Variants in INTU observed in about 807,000 individuals in gnomAD.
The protein encoded by INTU is protein inturned.
A neutral mutation model predicts 100.5 loss-of-function variants in INTU; 68 were observed. The ratio of observed to expected loss-of-function variants is 0.68; its 90% CI spans 0.56 to 0.83. The LOEUF (loss-of-function observed/expected upper bound fraction) is 0.83, where lower values mean the gene tolerates loss of function less well. INTU is among the 40% of genes least tolerant of loss of function. The pLI is 0.00. For missense variants in INTU, 1,071 were observed against 1,114.7 expected, an observed-to-expected ratio of 0.96 and a Z score of 0.56; for synonymous variants, 357 against 395.7, an observed-to-expected ratio of 0.90 and a Z score of 1.16.
intron 2 of INTU, among the ~76,000 whole-genome samples, chr4:127,650,144 A>G (rs1024820844): frequency 6.6e-6 from 1 of 152,212 alleles, no homozygotes; most frequent in Admixed American, 6.5e-5. Flanking sequence ...AGTGAATACT[A>G]TAGCATATTG....
At chr4:127,676,205 TG>T (rs1729170339) in intron 6 of INTU, 1 of 155,176 alleles carries the variant, frequency 6.4e-6, no homozygotes, top group Non-Finnish European at 1.4e-5. Flanking sequence ...GAAAAATATG[TG>T]TTTTTCTGTC....
intron 6 of INTU, among the ~76,000 whole-genome samples, chr4:127,683,104 T>C (rs1443847312): frequency 6.6e-6 from 1 of 152,136 alleles, no homozygotes; most frequent in Non-Finnish European, 1.5e-5. Flanking sequence ...TGGACCAAGG[T>C]TGTGCCACAT....
chr4:127,712,420 GATA>G (rs1236518115), intron 14 of INTU, among the ~76,000 whole-genome samples: 1 of 151,836 alleles, frequency 6.6e-6, no homozygotes, highest in Non-Finnish European at 1.5e-5. Context: ...TTACTTATTT[GATA>G]ATATTTAGTA....
Position 127,643,695 on chromosome 4 carries a change from T to C in INTU, c.321T>C (p.Tyr107=), listed in dbSNP as rs1560827925. 1 of 1,612,238 alleles carries C rather than the reference T, an allele frequency of 6.2e-7. No homozygotes were observed. ...ATGACTACAAAGAAAGAAAAAAGTA[T>C]GAACCCAAACTCAAGCAGTTTACCA... ...IEDDYKERKK[Y]EPKLKQFTKI... Residue 107 remains tyrosine (Y), a synonymous_variant, in exon 2 of 16, where the codon TAT becomes TAC. Transcript: ENST00000335251.
At position 127,705,787 on chromosome 4, in the gene INTU, G is replaced by A; in HGVS notation, c.1763G>A (p.Arg588Lys). Residue 588 changes from arginine (R) to lysine (K), a missense_variant, in exon 11 of 16, where the codon AGA (arginine) becomes AAA (lysine). Transcript: ENST00000335251. ...STEVFPEPEG[R>K]YFLLVVGLKH... ...GAAGTCTTTCCGGAACCTGAAGGAA[G>A]ATATTTTTTGCTAGTTGTTGGCTTG... The A allele has an allele frequency of 6.2e-7, 1 of 1,613,958 alleles. No homozygotes were observed. Among genetic ancestry groups the A allele is most frequent in the South Asian group, 1.1e-5 (1 of 91,056 alleles).
Position 127,711,059 on chromosome 4 carries a change from G to T in INTU, c.2516G>T (p.Cys839Phe). The T allele has an allele frequency of 4.4e-6, 7 of 1,605,604 alleles. No individual in the cohort carries two copies. Among genetic ancestry groups the T allele is most frequent in the Non-Finnish European group, 5.1e-6 (6 of 1,173,960 alleles). Residue 839 changes from cysteine to phenylalanine, a missense_variant, in exon 14 of 16, where the codon TGT becomes TTT. Cys to Phe is a radical substitution (Grantham distance 205, BLOSUM62 -2). Transcript: ENST00000335251. Reference sequence around the variant, plus strand: ...CTAATAAAGAATTTCCATCAGTGTTGTCTTTCCATTCGTGCAGTTTTCCAA... The same window carrying T: ...CTAATAAAGAATTTCCATCAGTGTTTTCTTTCCATTCGTGCAGTTTTCCAA... ...PQLIKNFHQC[C>F]LSIRAVFQQT...
At chr4:127,650,665 A>AG (rs1201483903) in intron 2 of INTU, among the ~76,000 whole-genome samples, 1 of 151,706 alleles carries the variant, frequency 6.6e-6, no homozygotes, top group Non-Finnish European at 1.5e-5. Flanking sequence ...ATTGTGAATA[A>AG]TGCCGCAATA....
At chr4:127,703,411 T>C (rs1730737053) in intron 9 of INTU, among the ~76,000 whole-genome samples, 1 of 152,236 alleles carries the variant, frequency 6.6e-6, no homozygotes, top group Non-Finnish European at 1.5e-5. Context: ...TCCCCAGGTG[T>C]AACTGCTCTT....
At chr4:127,645,648 C>A (rs1343373690) in intron 2 of INTU, among the ~76,000 whole-genome samples, 2 of 152,032 alleles carry the variant, frequency 1.3e-5, no homozygotes, top group Admixed American at 1.3e-4. Context: ...TCAACCTCTA[C>A]CTCCCGGGTT....
chr4:127,678,163 T>C (rs1333458161), intron 6 of INTU, among the ~76,000 whole-genome samples: 5 of 152,302 alleles, frequency 3.3e-5, no homozygotes, highest in Non-Finnish European at 5.9e-5. Flanking sequence ...TGGAACCAAG[T>C]TGGAAAACAC....
intron 3 of INTU, among the ~76,000 whole-genome samples, chr4:127,662,218 C>T (rs1055034771): frequency 2.6e-5 from 4 of 152,110 alleles, no homozygotes; most frequent in Non-Finnish European, 5.9e-5. Flanking sequence ...TATTTTCTCC[C>T]ATCCTGTAGG....
chr4:127,673,929 T>G (rs1324350596), intron 5 of INTU, among the ~76,000 whole-genome samples, 195 bp from the exon 6 acceptor site: 1 of 151,886 alleles, frequency 6.6e-6, no homozygotes, highest in East Asian at 1.9e-4. Context: ...TTGTTTTTTT[T>G]TTTTAATATG....
intron 2 of INTU, among the ~76,000 whole-genome samples, chr4:127,646,739 G>A (rs532323876): frequency 3.0e-4 from 45 of 152,024 alleles, no homozygotes; most frequent in Admixed American, 7.2e-4. Context: ...ATTATTCAAG[G>A]ACTTCAGAAT....
intron 8 of INTU, among the ~76,000 whole-genome samples, chr4:127,696,538 A>T (rs1445985316): frequency 1.4e-5 from 2 of 141,520 alleles, no homozygotes; most frequent in Admixed American, 7.1e-5. Flanking sequence ...CCCCCCTTTC[A>T]TTTCTGGTAT....
intron 2 of INTU, among the ~76,000 whole-genome samples, chr4:127,655,412 C>T (rs1728141114): frequency 1.3e-5 from 2 of 149,852 alleles, no homozygotes; most frequent in Non-Finnish European, 2.9e-5. Flanking sequence ...GTGTGGATGT[C>T]CTTTCTGTTT....
At chr4:127,657,693 A>G (rs1447948644) in intron 3 of INTU, among the ~76,000 whole-genome samples, 1 of 151,720 alleles carries the variant, frequency 6.6e-6, no homozygotes. Context: ...TCTAGGTTGT[A>G]TGCTCCTTAT....
At chr4:127,656,771 A>G (rs766112508) in intron 3 of INTU, 50 bp downstream of exon 3, 3 of 1,181,012 alleles carry the variant, frequency 2.5e-6, no homozygotes, top group East Asian at 2.5e-5. Flanking sequence ...AAATAAATAT[A>G]TAAATATATC....
intron 2 of INTU, 104 bp from the exon 3 acceptor site, chr4:127,656,532 C>T: frequency 2.7e-6 from 2 of 752,608 alleles, no homozygotes; most frequent in Non-Finnish European, 2.3e-6. Flanking sequence ...AGATTTCTCA[C>T]TGTACTTTGA....
intron 8 of INTU, 47 bp downstream of exon 8, chr4:127,687,914 A>G: frequency 1.6e-6 from 2 of 1,234,180 alleles, no homozygotes. Context: ...GTGCCTTATT[A>G]TAATCTTGTA....
Sources: allele counts gnomAD v4.1 joint callset (sites outside exome capture counted in the v4.1 genomes callset), GRCh38; gene constraint gnomAD v4.1.1; transcripts MANE v1.5; gene names NCBI Gene and HGNC (gene_info 2026-07-23, HGNC 2026-07-21).